ANKRD18A: variants seen among roughly 807,000 people sequenced by gnomAD.
ANKRD18A encodes ankyrin repeat domain 18A, also known as ankyrin repeat domain-containing protein 18A.
Under a neutral mutation model 110.6 loss-of-function variants are expected in ANKRD18A, and 72 were observed. The ratio of observed to expected loss-of-function variants is 0.65; its 90% CI spans 0.54 to 0.79. The LOEUF (loss-of-function observed/expected upper bound fraction) is 0.79, where lower values mean the gene tolerates loss of function less well. Among genes scored for constraint, ANKRD18A ranks in the 30% least tolerant of loss-of-function variants. ANKRD18A has a pLI of 0.00. For missense variants in ANKRD18A, 934 were observed against 1,163.3 expected (o/e 0.80, Z 2.87); for synonymous variants, 305 against 410.3 (o/e 0.74, Z 3.10).
At chr9:38,599,154 C>G (rs145529179) in intron 8 of ANKRD18A, among the ~76,000 whole-genome samples, 1,888 of 152,252 alleles carry the variant, frequency 0.012, 38 homozygotes, top group African/African-American at 0.042. Flanking sequence ...ACAGTCTGAT[C>G]TATTTTCATT....
intron 4 of ANKRD18A, among the ~76,000 whole-genome samples, chr9:38,610,857 T>TATAATAATAATAATAATAATAATA (rs55823641): frequency 6.0e-5 from 8 of 133,836 alleles, no homozygotes; most frequent in African/African-American, 2.1e-4. Flanking sequence ...CAGCAACAAC[T>TATAATAATAATAATAATAATAATA]ATAATAATAA....
intron 11 of ANKRD18A, among the ~76,000 whole-genome samples, chr9:38,587,518 G>C (rs687755): frequency 6.6e-6 from 1 of 151,836 alleles, no homozygotes; most frequent in African/African-American, 2.4e-5. Flanking sequence ...TACAATGGAG[G>C]TACCCATGTA....
At chr9:38,596,835 CAA>C (rs370973590) in intron 8 of ANKRD18A, among the ~76,000 whole-genome samples, 73 of 152,260 alleles carry the variant, frequency 4.8e-4, no homozygotes, top group African/African-American at 1.7e-3. Flanking sequence ...TAAAATCTCT[CAA>C]AGTTTTAAAA....
chr9:38,577,226 GT>G lies in ANKRD18A; in HGVS notation c.2567del (p.Asn856ThrfsTer8), dbSNP rs1823935713. The G allele has an allele frequency of 6.5e-7, 1 of 1,540,898 alleles. No individual in the cohort carries two copies. The highest frequency in any genetic ancestry group is 8.7e-7 in the Non-Finnish European group (1 of 1,144,616). On this transcript the variant is annotated frameshift_variant, in exon 14 of 16. Transcript: ENST00000399703. LOFTEE classifies it high-confidence loss of function. ...TTTTTAGTGAAGCCGTATTATCCTT[GT>G]TTAACTGCTCTAATTGTTTTTCATA... ...AEYEKQLEQL[N>X]KDNTASLKKK...
intron 12 of ANKRD18A, among the ~76,000 whole-genome samples, chr9:38,580,958 G>T (rs114586751): frequency 0.012 from 1,876 of 152,278 alleles, 37 homozygotes; most frequent in African/African-American, 0.042. Context: ...CCCAGCCGAG[G>T]TTCCAGCCAG....
intron 10 of ANKRD18A, among the ~76,000 whole-genome samples, chr9:38,592,857 A>G (rs1220088461): frequency 6.6e-6 from 1 of 152,212 alleles, no homozygotes; most frequent in Admixed American, 6.5e-5. Context: ...GACTCTATGT[A>G]TTTAAATATG....
At chr9:38,619,237 T>C (rs1825980481) in intron 1 of ANKRD18A, among the ~76,000 whole-genome samples, 1 of 152,186 alleles carries the variant, frequency 6.6e-6, no homozygotes, top group South Asian at 2.1e-4. Flanking sequence ...AAAATTTCAG[T>C]CTGAATTCCA....
At chr9:38,599,962 T>C (rs1202050884) in intron 8 of ANKRD18A, among the ~76,000 whole-genome samples, 1 of 152,236 alleles carries the variant, frequency 6.6e-6, no homozygotes, top group East Asian at 1.9e-4. Context: ...TTCTCAGATG[T>C]CTTTTCTGAC....
intron 3 of ANKRD18A, among the ~76,000 whole-genome samples, chr9:38,613,314 T>C (rs530275758): frequency 6.6e-6 from 1 of 152,176 alleles, no homozygotes; most frequent in Non-Finnish European, 1.5e-5. Flanking sequence ...AAAGTTTACA[T>C]GTTGACTCAA....
chr9:38,568,668 C>A (rs1823537294), downstream of ANKRD18A: 22 of 939,022 alleles, frequency 2.3e-5, no homozygotes, highest in Non-Finnish European at 2.8e-5. Flanking sequence ...TTGGCCTTGC[C>A]TGGCATGCAC....
chr9:38,583,257 C>A (rs866404857), intron 12 of ANKRD18A, among the ~76,000 whole-genome samples: 1 of 152,232 alleles, frequency 6.6e-6, no homozygotes. Flanking sequence ...AACAAACTGT[C>A]AGCTCCTCAA....
At chr9:38,614,636 A>ATC (rs998962822) in intron 3 of ANKRD18A, among the ~76,000 whole-genome samples, 4 of 152,122 alleles carry the variant, frequency 2.6e-5, no homozygotes, top group African/African-American at 9.7e-5. Context: ...CATGGCCAAT[A>ATC]TCCTTTATCA....
downstream of ANKRD18A, among the ~76,000 whole-genome samples, chr9:38,570,779 A>G (rs1273043436): frequency 6.6e-6 from 1 of 152,174 alleles, no homozygotes; most frequent in Non-Finnish European, 1.5e-5. Flanking sequence ...CTCCTCCAAG[A>G]CACAGGGAGG....
In ANKRD18A at chr9:38,620,295, T is replaced by G. The variant is rs1358852360; in HGVS notation, c.-10A>C. ...TGAAGAGCTTCCTCATGGTGGCGAC[T>G]TCTCAGACGCCCACCACCCGCTCCT... On this transcript the variant is annotated 5_prime_UTR_variant, in exon 1 of 16. Transcript: ENST00000399703. The G allele has an allele frequency of 5.2e-6, 8 of 1,549,568 alleles. No individual in the cohort carries two copies. Among genetic ancestry groups the G allele is most frequent in the Non-Finnish European group, 7.0e-6 (8 of 1,145,990 alleles).
At chr9:38,591,817 G>A (rs890440760) in intron 10 of ANKRD18A, among the ~76,000 whole-genome samples, 3 of 152,108 alleles carry the variant, frequency 2.0e-5, no homozygotes, top group Non-Finnish European at 4.4e-5. Context: ...GTACATAACC[G>A]ACATGACCAG....
chr9:38,566,295 T>C, the ANKRD18A span: 2 of 152,238 alleles, frequency 1.3e-5, no homozygotes, highest in Non-Finnish European at 2.9e-5. Flanking sequence ...TGCAGCCTCT[T>C]TTGCCTATAA....
chr9:38,600,133 T>C (rs565088504), intron 8 of ANKRD18A, among the ~76,000 whole-genome samples: 9 of 152,290 alleles, frequency 5.9e-5, no homozygotes, highest in East Asian at 3.9e-4. Context: ...TGGCTTAATA[T>C]AGGGGAAAAA....
At chr9:38,583,383 T>G (rs552981507) in intron 12 of ANKRD18A, among the ~76,000 whole-genome samples, 1 of 152,170 alleles carries the variant, frequency 6.6e-6, no homozygotes, top group African/African-American at 2.4e-5. Context: ...TACAGCAGCA[T>G]TATTACTATA....
chr9:38,590,833 G>A (rs1824613256), intron 10 of ANKRD18A, among the ~76,000 whole-genome samples: 2 of 152,106 alleles, frequency 1.3e-5, no homozygotes, highest in Non-Finnish European at 2.9e-5. Context: ...GAACCTTCTG[G>A]AGAAGTTAGA....
Sources: gnomAD v4.1 joint callset for allele counts (sites outside exome capture counted in the v4.1 genomes callset) on GRCh38, gnomAD v4.1.1 for gene constraint, MANE v1.5 for transcripts, NCBI Gene and HGNC (gene_info 2026-07-23, HGNC 2026-07-21) for gene names.